Variants in SPECC1L observed in about 807,000 individuals in gnomAD.
SPECC1L encodes sperm antigen with calponin homology and coiled-coil domains 1 like.
In SPECC1L, 40 loss-of-function variants were observed where a neutral mutation model predicts 116.8. That is an observed-to-expected ratio of 0.34 (90% CI 0.27 to 0.45). The LOEUF (loss-of-function observed/expected upper bound fraction) is 0.45, where lower values mean the gene tolerates loss of function less well. Among genes scored for constraint, SPECC1L ranks in the 20% least tolerant of loss-of-function variants. SPECC1L has a pLI of 1.00. For synonymous variants in SPECC1L, 504 were observed against 500.6 expected (o/e 1.01, Z -0.09); for missense variants, 1,110 against 1,373.6 (o/e 0.81, Z 3.03).
intron 10 of SPECC1L, among the ~76,000 whole-genome samples, chr22:24,341,099 A>G (rs1191628718): frequency 6.6e-6 from 1 of 152,130 alleles, no homozygotes; most frequent in Non-Finnish European, 1.5e-5. Flanking sequence ...GGAGCAGGGA[A>G]GAGAAAACCA....
chr22:24,303,991 G>A (rs551742926), intron 3 of SPECC1L, among the ~76,000 whole-genome samples: 28 of 151,876 alleles, frequency 1.8e-4, no homozygotes, highest in African/African-American at 6.5e-4. Flanking sequence ...ATTAAATGGA[G>A]ATTAAAGTAA....
intron 14 of SPECC1L, among the ~76,000 whole-genome samples, chr22:24,411,136 C>T (rs2042688528): frequency 6.6e-6 from 1 of 152,006 alleles, no homozygotes; most frequent in South Asian, 2.1e-4. Context: ...TTGTAGTGAG[C>T]CGAGATCATG....
rs570194890 is a variant in SPECC1L, at chr22:24,338,544, C to T, written c.2652+67C>T. 2.6e-5 allele frequency: 35 copies of T among 1,361,812 alleles called. No individual in the cohort carries two copies. The African/African-American group carries it at 4.7e-4, about 18-fold the overall frequency. The allele number at this position is 1,361,812 out of a possible 1,614,324, so 84.4% of individuals were successfully genotyped here. A position where few individuals can be genotyped will look rare whatever the true frequency, so the allele number is the denominator to read the frequency against. On this transcript the variant is annotated intron_variant, in intron 10 of 16. Transcript: ENST00000314328. Reference sequence around the variant, plus strand: ...TCTGAAAGTTGAGGCCTTTTCTTCACAGTCATTTACACCTGTATTAGTTGG... The same window carrying T: ...TCTGAAAGTTGAGGCCTTTTCTTCATAGTCATTTACACCTGTATTAGTTGG...
intron 2 of SPECC1L, among the ~76,000 whole-genome samples, chr22:24,295,982 A>G (rs2049253916): frequency 6.6e-6 from 1 of 152,202 alleles, no homozygotes; most frequent in African/African-American, 2.4e-5. Flanking sequence ...TGATGACAAC[A>G]TTGGACAAGT....
chr22:24,338,054 C>T (rs2041097535), intron 9 of SPECC1L, among the ~76,000 whole-genome samples: 1 of 152,190 alleles, frequency 6.6e-6, no homozygotes, highest in Admixed American at 6.5e-5. Flanking sequence ...TATGTAAATA[C>T]TCCTCTTGGG....
chr22:24,327,407 C>T (rs911121599), intron 6 of SPECC1L, among the ~76,000 whole-genome samples: 1 of 151,334 alleles, frequency 6.6e-6, no homozygotes. Context: ...GATGAGCCAT[C>T]TAAGAAAGAA....
At chr22:24,364,342 TTCTG>T (rs1260449633) in intron 12 of SPECC1L, among the ~76,000 whole-genome samples, 4 of 152,312 alleles carry the variant, frequency 2.6e-5, no homozygotes, top group African/African-American at 7.2e-5. Context: ...CGTTTTGGTT[TTCTG>T]TCTTATTGAT....
intron 16 of SPECC1L, among the ~76,000 whole-genome samples, chr22:24,413,398 G>A (rs1169298379): frequency 6.6e-6 from 1 of 152,184 alleles, no homozygotes; most frequent in Non-Finnish European, 1.5e-5. Flanking sequence ...GGGACACACA[G>A]ACCATCGGGA....
At chr22:24,373,357 C>G (rs2041907934) in intron 14 of SPECC1L, among the ~76,000 whole-genome samples, 1 of 152,232 alleles carries the variant, frequency 6.6e-6, no homozygotes, top group Non-Finnish European at 1.5e-5. Context: ...AGGCATCACA[C>G]TACCTGACTT....
rs530889051 is a variant in SPECC1L at position 24,295,059 on chromosome 22, A to G, written c.-37-7136A>G. ...ATGATCTCCTTGTAGAAGTAAAGGA[A>G]ACTCTGGAGCTTCCTGTGTGGCTGT... On this transcript the variant is annotated intron_variant, in intron 2 of 16. Transcript: ENST00000314328. Among the ~76,000 whole-genome samples the G allele has an allele frequency of 1.4e-4, 21 of 151,756 alleles. No individual in the cohort carries two copies. In the South Asian group the frequency reaches 4.4e-3, roughly 32 times the overall value.
At chr22:24,343,976 C>T (rs1375521697) in intron 10 of SPECC1L, among the ~76,000 whole-genome samples, 1 of 152,114 alleles carries the variant, frequency 6.6e-6, no homozygotes, top group Non-Finnish European at 1.5e-5. Context: ...AATAAAAAGG[C>T]TTCCCACATA....
chr22:24,329,672 A>G (rs1428587977), intron 7 of SPECC1L, among the ~76,000 whole-genome samples: 3 of 152,220 alleles, frequency 2.0e-5, no homozygotes, highest in East Asian at 3.9e-4. Flanking sequence ...ACCCGGCCAC[A>G]CCCGCATCCT....
At chr22:24,355,368 C>T (rs1395208712) in intron 11 of SPECC1L, among the ~76,000 whole-genome samples, 1 of 151,584 alleles carries the variant, frequency 6.6e-6, no homozygotes, top group East Asian at 1.9e-4. Flanking sequence ...TTTAGTCCCT[C>T]TCTGGATAGA....
chr22:24,287,331 G>C (rs998515451), intron 2 of SPECC1L, among the ~76,000 whole-genome samples: 23 of 152,302 alleles, frequency 1.5e-4, no homozygotes, highest in African/African-American at 4.8e-4. Flanking sequence ...TTTTACAGGA[G>C]AGTGGCCTGG....
At chr22:24,311,384 G>C (rs1308967752) in intron 3 of SPECC1L, among the ~76,000 whole-genome samples, 1 of 152,194 alleles carries the variant, frequency 6.6e-6, no homozygotes, top group Non-Finnish European at 1.5e-5. Context: ...AATGTGTTGA[G>C]TTTACTTACT....
intron 14 of SPECC1L, among the ~76,000 whole-genome samples, chr22:24,411,265 G>A (rs769801965): frequency 7.9e-5 from 12 of 152,270 alleles, no homozygotes; most frequent in Non-Finnish European, 1.2e-4. Flanking sequence ...GGTCTGTACT[G>A]TCACCCCAAC....
intron 2 of SPECC1L, among the ~76,000 whole-genome samples, chr22:24,293,251 C>T (rs1463734185): frequency 1.3e-5 from 2 of 151,980 alleles, no homozygotes; most frequent in Non-Finnish European, 2.9e-5. Flanking sequence ...GTCAGGAGAT[C>T]GAGACTATCC....
At chr22:24,305,922 A>G (rs536945766) in intron 3 of SPECC1L, among the ~76,000 whole-genome samples, 9 of 150,700 alleles carry the variant, frequency 6.0e-5, no homozygotes, top group East Asian at 3.9e-4. Flanking sequence ...TTTTCATACA[A>G]TCTTTTTTTT....
At chr22:24,385,176 T>G (rs1268960793) in intron 14 of SPECC1L, among the ~76,000 whole-genome samples, 1 of 152,090 alleles carries the variant, frequency 6.6e-6, no homozygotes, top group Non-Finnish European at 1.5e-5. Context: ...ATATATATTT[T>G]TTGACTTTTT....
Sources: gnomAD v4.1 joint callset for allele counts (sites outside exome capture counted in the v4.1 genomes callset) on GRCh38, gnomAD v4.1.1 for gene constraint, MANE v1.5 for transcripts, NCBI Gene and HGNC (gene_info 2026-07-23, HGNC 2026-07-21) for gene names.